LEF1: variants seen among roughly 807,000 people sequenced by gnomAD.
LEF1 encodes the protein lymphoid enhancer-binding factor 1.
A neutral mutation model predicts 51.2 loss-of-function variants in LEF1; 14 were observed. The observed-to-expected ratio is 0.27, with a 90% CI of 0.18 to 0.43. LEF1 has a LOEUF of 0.43. Among genes scored for constraint, LEF1 ranks in the 20% least tolerant of loss-of-function variants. The probability of loss-of-function intolerance (pLI) is 1.00; values close to 1 mark genes in which losing one functional copy is unlikely to be tolerated. For synonymous variants in LEF1, 185 were observed against 183.2 expected, an observed-to-expected ratio of 1.01 and a Z score of -0.08; for missense variants, 386 against 512.0, an observed-to-expected ratio of 0.75 and a Z score of 2.37.
chr4:108,150,780 T>C (rs1021498246), intron 3 of LEF1, among the ~76,000 whole-genome samples: 2 of 152,224 alleles, frequency 1.3e-5, no homozygotes, highest in Non-Finnish European at 2.9e-5. Flanking sequence ...ATAGGCATAT[T>C]AGTAGCATTC....
intron 3 of LEF1, among the ~76,000 whole-genome samples, chr4:108,104,482 T>C (rs1741025568): frequency 1.4e-5 from 2 of 147,344 alleles, no homozygotes; most frequent in East Asian, 4.1e-4. Context: ...ATAAAATATA[T>C]ATATAAATTA....
At chr4:108,099,498 A>ATG (rs1283632504) in intron 3 of LEF1, among the ~76,000 whole-genome samples, 7 of 143,758 alleles carry the variant, frequency 4.9e-5, no homozygotes, top group Admixed American at 1.4e-4. Flanking sequence ...ATACACATGT[A>ATG]TGTATATATA....
chr4:108,077,999 C>CCA (rs748577713), intron 8 of LEF1, among the ~76,000 whole-genome samples: 184 of 152,204 alleles, frequency 1.2e-3, no homozygotes, highest in Non-Finnish European at 1.8e-3. Flanking sequence ...TATGATCATA[C>CCA]CACTGTACTC....
At chr4:108,087,484 G>A (rs1295226793) in intron 4 of LEF1, among the ~76,000 whole-genome samples, 1 of 152,016 alleles carries the variant, frequency 6.6e-6, no homozygotes, top group African/African-American at 2.4e-5. Context: ...AAACAAGGTA[G>A]GGTGGCAGTA....
intron 3 of LEF1, among the ~76,000 whole-genome samples, chr4:108,100,783 G>A (rs1211854613): frequency 6.6e-6 from 1 of 152,106 alleles, no homozygotes; most frequent in Non-Finnish European, 1.5e-5. Context: ...CCTCTCCCTT[G>A]AGCTAATTGT....
rs200236123 is a variant in LEF1 at position 108,089,160 on chromosome 4, G to A, written c.512C>T (p.Pro171Leu). The A allele has an allele frequency of 8.7e-6, 14 of 1,614,048 alleles. No homozygotes were observed. Among genetic ancestry groups the A allele is most frequent in the African/African-American group, 4.0e-5 (3 of 74,990 alleles). Residue 171 changes from proline (P) to leucine (L), a missense_variant, in exon 4 of 12, where the codon CCG (proline) becomes CTG (leucine). Pro to Leu is a moderately conservative substitution (Grantham distance 98, BLOSUM62 -3). Transcript: ENST00000265165. ...GTTGACATCTGATGGGATGTGTGACGGGTGTGATCCTGGAGAAAAGTGCTC... is the reference window on the plus strand; with the variant it reads ...GTTGACATCTGATGGGATGTGTGACAGGTGTGATCCTGGAGAAAAGTGCTC... ...SDEHFSPGSH[P>L]SHIPSDVNSK...
intron 3 of LEF1, among the ~76,000 whole-genome samples, chr4:108,115,150 G>C (rs1741757092): frequency 6.6e-6 from 1 of 152,130 alleles, no homozygotes; most frequent in East Asian, 1.9e-4. Flanking sequence ...CTATCTGTTA[G>C]GGACAAAAAG....
intron 3 of LEF1, among the ~76,000 whole-genome samples, chr4:108,093,598 C>T (rs1740193853): frequency 6.6e-6 from 1 of 152,112 alleles, no homozygotes; most frequent in Non-Finnish European, 1.5e-5. Flanking sequence ...ACCCCAAATT[C>T]TCCACTTCTG....
rs1270294671 is a variant in LEF1 at position 108,154,750 on chromosome 4, C to A, written c.414+8818G>T. Reference sequence around the variant, plus strand: ...TTTCCCTCGATCCAGGTCATTTTAACCAGTATACAAAGATGATATGACCAT... The same window carrying A: ...TTTCCCTCGATCCAGGTCATTTTAAACAGTATACAAAGATGATATGACCAT... On this transcript the variant is annotated intron_variant, in intron 3 of 11. Coordinates refer to ENST00000265165, the MANE Select transcript of LEF1 (RefSeq NM_016269.5). 2.0e-5 allele frequency among the ~76,000 whole-genome samples: 3 copies of A among 151,976 alleles called. No individual in the cohort carries two copies. The East Asian group carries it at 5.8e-4, about 29-fold the overall frequency.
chr4:108,078,643 TCA>T (rs1739078062), intron 7 of LEF1, among the ~76,000 whole-genome samples: 1 of 152,152 alleles, frequency 6.6e-6, no homozygotes, highest in Admixed American at 6.5e-5. Context: ...AGTGGACCTG[TCA>T]TTATAGAACT....
chr4:108,132,335 C>T (rs1482489148), intron 3 of LEF1, among the ~76,000 whole-genome samples: 2 of 152,092 alleles, frequency 1.3e-5, no homozygotes, highest in Non-Finnish European at 2.9e-5. Flanking sequence ...TGTCTTAAAG[C>T]ACATACTTCC....
At chr4:108,166,414 C>T in intron 1 of LEF1, 1 of 1,420,612 alleles carries the variant, frequency 7.0e-7, no homozygotes, top group Non-Finnish European at 9.2e-7. Flanking sequence ...GTATATCCTC[C>T]AAGTTTCTTT....
intron 1 of LEF1, 191 bp from the exon 2 acceptor site, chr4:108,165,354 T>C: frequency 1.9e-6 from 1 of 526,254 alleles, no homozygotes; most frequent in African/African-American, 1.9e-5. Context: ...TATTTTTGAG[T>C]GATTATTATC....
intron 11 of LEF1, among the ~76,000 whole-genome samples, chr4:108,052,020 G>T (rs924160424): frequency 8.5e-5 from 13 of 152,166 alleles, no homozygotes; most frequent in African/African-American, 2.7e-4. Context: ...AAAGCAGAGC[G>T]CTTGGCCAGC....
At chr4:108,131,687 T>C (rs774615574) in intron 3 of LEF1, among the ~76,000 whole-genome samples, 60 of 152,304 alleles carry the variant, frequency 3.9e-4, no homozygotes, top group Non-Finnish European at 7.8e-4. Flanking sequence ...CTATGAGACA[T>C]GGGCTCTTTG....
At chr4:108,070,143 GA>G (rs1738363897) in intron 9 of LEF1, among the ~76,000 whole-genome samples, 1 of 151,822 alleles carries the variant, frequency 6.6e-6, no homozygotes, top group Admixed American at 6.6e-5. Context: ...CTAAAAGCAG[GA>G]AAAAATAAGA....
intron 3 of LEF1, among the ~76,000 whole-genome samples, chr4:108,105,141 A>G (rs570659498): frequency 6.6e-6 from 1 of 151,344 alleles, no homozygotes; most frequent in Non-Finnish European, 1.5e-5. Context: ...ACATTTAAAA[A>G]CACTGCTTTT....
At chr4:108,075,299 TC>T (rs1738780938) in intron 8 of LEF1, 1 of 152,196 alleles carries the variant, frequency 6.6e-6, no homozygotes, top group Non-Finnish European at 1.5e-5. Flanking sequence ...CCTGCTTCCC[TC>T]CTGTTCACAT....
At chr4:108,069,121 T>TC (rs1485045930) in intron 9 of LEF1, among the ~76,000 whole-genome samples, 1 of 151,976 alleles carries the variant, frequency 6.6e-6, no homozygotes, top group Non-Finnish European at 1.5e-5. Flanking sequence ...AGCACTCTCT[T>TC]CCCCCTTCTT....
Sources: allele counts gnomAD v4.1 joint callset (sites outside exome capture counted in the v4.1 genomes callset), GRCh38; gene constraint gnomAD v4.1.1; transcripts MANE v1.5; gene names NCBI Gene and HGNC (gene_info 2026-07-23, HGNC 2026-07-21).